Variants in WDR89 observed in about 807,000 individuals in gnomAD.
WDR89 encodes the protein WD repeat-containing protein 89.
WDR89 carries 17 observed loss-of-function variants against 29.1 expected under a neutral mutation model. That is an observed-to-expected ratio of 0.58 (90% CI 0.40 to 0.88). WDR89 has a LOEUF of 0.88. Ranked by LOEUF, WDR89 falls within the 40% of genes least tolerant of loss-of-function variation. WDR89 has a pLI of 0.00. For missense variants in WDR89, 396 were observed against 456.3 expected, an observed-to-expected ratio of 0.87 and a Z score of 1.20; for synonymous variants, 138 against 157.8, an observed-to-expected ratio of 0.87 and a Z score of 0.94.
At chr14:63,635,280 A>G (rs1883655513) in intron 1 of WDR89, among the ~76,000 whole-genome samples, 1 of 152,206 alleles carries the variant, frequency 6.6e-6, no homozygotes, top group South Asian at 2.1e-4. Context: ...ATAATCCTCC[A>G]TGATCAAGTA....
At chr14:63,607,398 C>T (rs993770720) in intron 2 of WDR89, among the ~76,000 whole-genome samples, 2 of 151,992 alleles carry the variant, frequency 1.3e-5, no homozygotes, top group Admixed American at 6.6e-5. Context: ...CTCCTGACCT[C>T]GTGATCTGTC....
At chr14:63,608,719 C>A (rs1055441280) in intron 2 of WDR89, among the ~76,000 whole-genome samples, 17 of 151,364 alleles carry the variant, frequency 1.1e-4, no homozygotes, top group African/African-American at 4.1e-4. Flanking sequence ...AGAAGCAAAA[C>A]CCCTAGTGCT....
chr14:63,616,617 G>C (rs1271818706), intron 2 of WDR89, among the ~76,000 whole-genome samples: 1 of 152,186 alleles, frequency 6.6e-6, no homozygotes, highest in Non-Finnish European at 1.5e-5. Context: ...CCTAGGCAGA[G>C]AGAAACAACA....
intron 1 of WDR89, among the ~76,000 whole-genome samples, chr14:63,635,625 C>T (rs1036308590): frequency 6.6e-6 from 1 of 152,116 alleles, no homozygotes; most frequent in African/African-American, 2.4e-5. Context: ...AAGTCCTAGC[C>T]AGAGGAATTA....
chr14:63,605,211 T>TAC (rs200461481), intron 2 of WDR89, among the ~76,000 whole-genome samples: 15,295 of 102,376 alleles, frequency 0.15, 907 homozygotes, highest in East Asian at 0.21. Flanking sequence ...TACATACACA[T>TAC]ACACACACAC....
chr14:63,627,404 T>A (rs942951530), intron 1 of WDR89, among the ~76,000 whole-genome samples: 8 of 152,148 alleles, frequency 5.3e-5, no homozygotes, highest in African/African-American at 1.9e-4. Flanking sequence ...TATTGCCACA[T>A]AAAACAACAT....
rs1260659307 is a variant in WDR89, at chr14:63,610,684, ATTCTT to A, written c.-31-10716_-31-10712del. ...CTCAAACTAACCCAATTTGAGGAAT[ATTCTT>A]TTCTTTTCTTTTCTTTTTTTTTTTT... is the stretch of plus-strand genomic sequence containing the variant. On this transcript the variant is annotated intron_variant, in intron 2 of 2. Transcript: ENST00000620954. Among the ~76,000 whole-genome samples the A allele has an allele frequency of 5.1e-3, 757 of 148,614 alleles. 1 individual carries two copies. Among genetic ancestry groups the A allele is most frequent in the South Asian group, 0.01 (48 of 4,648 alleles).
chr14:63,639,561 T>C (rs1225819934), intron 1 of WDR89, among the ~76,000 whole-genome samples: 3 of 152,314 alleles, frequency 2.0e-5, no homozygotes, highest in East Asian at 1.9e-4. Context: ...TTTTGACAGT[T>C]TGGCGATAAT....
chr14:63,604,919 A>G (rs10131964), intron 2 of WDR89, among the ~76,000 whole-genome samples: 14,400 of 152,130 alleles, frequency 0.095, 1,365 homozygotes, highest in African/African-American at 0.24. Context: ...CCGGGCAGCC[A>G]GGCAGATCAC....
chr14:63,615,999 T>C (rs1488308111), intron 2 of WDR89, among the ~76,000 whole-genome samples: 6 of 151,894 alleles, frequency 4.0e-5, no homozygotes, highest in Admixed American at 3.9e-4. Flanking sequence ...TGCTAGCACT[T>C]TGGGAGCCTG....
chr14:63,626,955 CA>C (rs963021754), intron 1 of WDR89, among the ~76,000 whole-genome samples: 1 of 151,278 alleles, frequency 6.6e-6, no homozygotes, highest in Non-Finnish European at 1.5e-5. Context: ...CCCGTCCTTA[CA>C]AAAAAAATAC....
chr14:63,635,783 T>C (rs750765046), intron 1 of WDR89, among the ~76,000 whole-genome samples: 4 of 152,224 alleles, frequency 2.6e-5, no homozygotes, highest in Non-Finnish European at 4.4e-5. Context: ...AGCAAAACTT[T>C]TGGATACAAG....
chr14:63,600,023 GAC>G (rs1365537782), intron 2 of WDR89, 50 bp from the exon 3 acceptor site: 3 of 1,128,344 alleles, frequency 2.7e-6, no homozygotes, highest in Admixed American at 3.6e-5. Flanking sequence ...TAACAAGGGA[GAC>G]ACATAAAAAA....
At chr14:63,600,460 C>CATACAGCCTGGGGAATAAAGTGAGA (rs1297794805) in intron 2 of WDR89, among the ~76,000 whole-genome samples, 1 of 151,768 alleles carries the variant, frequency 6.6e-6, no homozygotes, top group Non-Finnish European at 1.5e-5. Flanking sequence ...ATGTCACTGT[C>CATACAGCCTGGGGAATAAAGTGAGA]ATACAGCCTG....
At position 63,605,490 on chromosome 14, in the gene WDR89, C is replaced by T. The variant is rs922680725; in HGVS notation, c.-31-5517G>A. On this transcript the variant is annotated intron_variant, in intron 2 of 2. Transcript: ENST00000620954. ...TTTTTTTTTTTTTGAGACGGAGTTT[C>T]GCTTTGTCACCCAGGCTGTAATGCA... Among the ~76,000 whole-genome samples, 9 of 150,036 alleles carry T rather than the reference C, an allele frequency of 6.0e-5. No homozygotes were observed. In the South Asian group the frequency reaches 1.7e-3, roughly 28 times the overall value.
intron 2 of WDR89, among the ~76,000 whole-genome samples, chr14:63,602,100 T>TA (rs1895090265): frequency 6.6e-6 from 1 of 152,246 alleles, no homozygotes; most frequent in Admixed American, 6.5e-5. Context: ...AAATGAGTAC[T>TA]AACTCAAGAA....
rs557736910 is a variant in WDR89 at position 63,632,662 on chromosome 14, GGATGAATTATACA to G, written c.-137-7642_-137-7630del. Among the ~76,000 whole-genome samples the G allele has an allele frequency of 4.3e-3, 649 of 151,930 alleles. 7 individuals carry two copies. The highest frequency in any genetic ancestry group is 0.014 in the African/African-American group (596 of 41,438). ...AAACAAAAACCCAAACTAGGAAACT[GGATGAATTATACA>G]GATGAATTATACAGAATGATAGCAG... On this transcript the variant is annotated intron_variant, in intron 1 of 2. Coordinates refer to ENST00000620954, the MANE Select transcript of WDR89 (RefSeq NM_080666.4).
In WDR89 at chr14:63,605,095, G is replaced by A. The variant is rs916496481; in HGVS notation, c.-31-5122C>T. Among the ~76,000 whole-genome samples, 34 of 152,200 alleles carry A rather than the reference G, an allele frequency of 2.2e-4. 1 individual carries two copies. Among genetic ancestry groups the A allele is most frequent in the African/African-American group, 7.9e-4 (33 of 41,532 alleles). On this transcript the variant is annotated intron_variant, in intron 2 of 2. Transcript: ENST00000620954. ...GCCCGGGAGGCTGAGGCTGCAGGGA[G>A]CTGTGATTGCACCACTGCACTTCAG...
chr14:63,640,086 A>AGCT (rs1239465597), intron 1 of WDR89, among the ~76,000 whole-genome samples: 18 of 152,368 alleles, frequency 1.2e-4, no homozygotes, highest in African/African-American at 4.3e-4. Flanking sequence ...TAAGTAACAT[A>AGCT]GCTGCATTCA....
Sources: gnomAD v4.1 joint callset for allele counts (sites outside exome capture counted in the v4.1 genomes callset) on GRCh38, gnomAD v4.1.1 for gene constraint, MANE v1.5 for transcripts, NCBI Gene and HGNC (gene_info 2026-07-23, HGNC 2026-07-21) for gene names.